Variants in MASP2 observed in about 807,000 individuals in gnomAD.
MASP2 encodes mannan-binding lectin serine protease 2.
MASP2 carries 49 observed loss-of-function variants against 57.1 expected under a neutral mutation model. That is an observed-to-expected ratio of 0.86 (90% CI 0.68 to 1.09). MASP2 has a LOEUF of 1.09. MASP2 is among the 50% of genes least tolerant of loss of function. The pLI is 0.00. For missense variants in MASP2, 900 were observed against 874.8 expected, an observed-to-expected ratio of 1.03 and a Z score of -0.36; for synonymous variants, 379 against 340.8, an observed-to-expected ratio of 1.11 and a Z score of -1.24.
chr1:11,042,396 TTGGA>T (rs141900678), intron 6 of MASP2, among the ~76,000 whole-genome samples: 7,103 of 141,830 alleles, frequency 0.05, 550 homozygotes, highest in African/African-American at 0.17. Context: ...GATAGATGGA[TTGGA>T]TGGATGGATG....
intron 10 of MASP2, among the ~76,000 whole-genome samples, chr1:11,028,740 G>C (rs1165432103): frequency 4.3e-5 from 6 of 140,794 alleles, no homozygotes; most frequent in Non-Finnish European, 9.0e-5. Flanking sequence ...TTGAGACAGA[G>C]TCTCGCTCTG....
chr1:11,044,932 A>C, intron 4 of MASP2: 1 of 1,608,294 alleles, frequency 6.2e-7, no homozygotes, highest in Non-Finnish European at 8.5e-7. Flanking sequence ...CCGGAGCTCC[A>C]GGGGAGGCTA....
At chr1:11,038,333 G>A (rs957068794) in intron 6 of MASP2, among the ~76,000 whole-genome samples, 2 of 152,184 alleles carry the variant, frequency 1.3e-5, no homozygotes, top group African/African-American at 4.8e-5. Flanking sequence ...AAGCACCTAG[G>A]CTAGTTCTTG....
chr1:11,039,151 C>T (rs1638337340), intron 6 of MASP2, among the ~76,000 whole-genome samples: 1 of 152,228 alleles, frequency 6.6e-6, no homozygotes, highest in Admixed American at 6.5e-5. Context: ...TGAGGTCCTC[C>T]TTTGGACTCT....
intron 8 of MASP2, 89 bp downstream of exon 8, chr1:11,034,739 G>A: frequency 1.5e-5 from 12 of 800,482 alleles, no homozygotes; most frequent in South Asian, 8.6e-5. Context: ...AAAGTAAACA[G>A]AAAACCAGAG....
intron 4 of MASP2, chr1:11,045,052 C>A: frequency 9.0e-7 from 1 of 1,113,940 alleles, no homozygotes. Context: ...GCCCACGCCC[C>A]AGAGCACTGG....
At chr1:11,046,068 A>C (rs1638628749) in intron 3 of MASP2, 1 of 222,350 alleles carries the variant, frequency 4.5e-6, no homozygotes, top group Non-Finnish European at 9.0e-6. Context: ...GCTGGAGTGT[A>C]GTGGTGCAAT....
Position 11,030,742 on chromosome 1 carries a change from G to T in MASP2, c.1222+6C>A. 3 of 1,594,282 alleles carry T rather than the reference G, an allele frequency of 1.9e-6. No homozygotes were observed. In the South Asian group the frequency reaches 3.4e-5, roughly 18 times the overall value. On this transcript the variant is annotated splice_donor_region_variant and intron_variant, in intron 9 of 10. Coordinates refer to ENST00000400897, the MANE Select transcript of MASP2 (RefSeq NM_006610.4). ...GCCCACCCCCAACTTTGAAGAATTT[G>T]CATACCATCATTCACTTTCATTGTG...
At chr1:11,034,056 G>T (rs978653384) in intron 8 of MASP2, among the ~76,000 whole-genome samples, 1 of 151,642 alleles carries the variant, frequency 6.6e-6, no homozygotes, top group African/African-American at 2.4e-5. Context: ...TGGCCAACAT[G>T]GTGAAACCCC....
At chr1:11,036,732 T>C (rs902907547) in intron 7 of MASP2, among the ~76,000 whole-genome samples, 4 of 151,524 alleles carry the variant, frequency 2.6e-5, no homozygotes. Flanking sequence ...ATGACAATTT[T>C]GAAGAACATA....
intron 4 of MASP2, 29 bp from the exon 5 acceptor site, chr1:11,043,564 T>A: frequency 6.5e-7 from 1 of 1,529,066 alleles, no homozygotes; most frequent in Non-Finnish European, 8.9e-7. Flanking sequence ...GGGGAGTGAC[T>A]TGGCGTGCCC....
intron 8 of MASP2, 81 bp downstream of exon 8, chr1:11,034,747 G>A: frequency 1.1e-6 from 1 of 873,362 alleles, no homozygotes; most frequent in African/African-American, 1.8e-5. Context: ...CAGAAAACCA[G>A]AGAAGCAATA....
Position 11,037,713 on chromosome 1 carries a change from T to C in MASP2, c.988A>G (p.Thr330Ala). Residue 330 changes from threonine to alanine, a missense_variant, in exon 7 of 11, where the codon ACT (threonine) becomes GCT (alanine). Thr to Ala is a moderately conservative substitution (Grantham distance 58). Transcript: ENST00000400897. ...CTCACTTGCAGAAGCTCATAGCCAG[T>C]CTCGCAAAAGATGGAGAAGCTGTCT... ...LKDSFSIFCE[T>A]GYELLQGHLP... is the part of the protein sequence containing the mutation. The C allele has an allele frequency of 6.2e-7, 1 of 1,611,184 alleles. No individual in the cohort carries two copies.
At chr1:11,035,345 G>GA (rs1196154737) in intron 7 of MASP2, among the ~76,000 whole-genome samples, 2 of 152,068 alleles carry the variant, frequency 1.3e-5, no homozygotes, top group East Asian at 1.9e-4. Context: ...CCAGCATGGT[G>GA]AAACCCTGTC....
intron 6 of MASP2, among the ~76,000 whole-genome samples, chr1:11,042,129 T>C (rs1638473799): frequency 6.9e-6 from 1 of 144,072 alleles, no homozygotes; most frequent in Non-Finnish European, 1.5e-5. Context: ...CTGGAAGGAA[T>C]GGATGGATGC....
chr1:11,027,623 T>C lies in MASP2; in HGVS notation c.1323A>G (p.Thr441=), dbSNP rs1245745864. The C allele has an allele frequency of 6.2e-7, 1 of 1,612,420 alleles. No homozygotes were observed. The highest frequency in any genetic ancestry group is 1.3e-5 in the African/African-American group (1 of 74,896). ...TTTGCCCTCCATATATACGCCCTCC[T>C]GTTGTGCGGGCTGATAGTCCACAAA... ...EPVCGLSART[T]GGRIYGGQKA... Residue 441 remains threonine, a synonymous_variant, in exon 11 of 11, where the codon ACA becomes ACG. Coordinates refer to ENST00000400897, the MANE Select transcript of MASP2 (RefSeq NM_006610.4).
In MASP2 at chr1:11,044,338, C is replaced by T. The variant is rs931516552; in HGVS notation, c.545-803G>A. Among the ~76,000 whole-genome samples, 10 of 152,270 alleles carry T rather than the reference C, an allele frequency of 6.6e-5. No homozygotes were observed. The East Asian group carries it at 1.9e-3, about 29-fold the overall frequency. On this transcript the variant is annotated intron_variant, in intron 4 of 10. Transcript: ENST00000400897. ...CTCAAGGAAGGCTTGGTCCCCATCC[C>T]ATACCACCACCCCACCCCCAGCTGC...
At position 11,042,871 on chromosome 1, in the gene MASP2, T is replaced by C. The variant is rs749453194; in HGVS notation, c.889+4A>G. The C allele has an allele frequency of 4.0e-5, 64 of 1,613,494 alleles. No homozygotes were observed. The highest frequency in any genetic ancestry group is 5.1e-5 in the Non-Finnish European group (60 of 1,179,680). ...CAGCCAAGATCTGAGACCCACTTGCTCACCTGTGCTCGTGTAGTGGATCTT... is the reference window on the plus strand; with the variant it reads ...CAGCCAAGATCTGAGACCCACTTGCCCACCTGTGCTCGTGTAGTGGATCTT... On this transcript the variant is annotated splice_donor_region_variant and intron_variant, in intron 6 of 10. Transcript: ENST00000400897.
chr1:11,038,285 T>C (rs1299473101), intron 6 of MASP2, among the ~76,000 whole-genome samples: 1 of 152,202 alleles, frequency 6.6e-6, no homozygotes, highest in Non-Finnish European at 1.5e-5. Context: ...CGGTTGACGA[T>C]AATAGTTGCC....
Sources: allele counts gnomAD v4.1 joint callset (sites outside exome capture counted in the v4.1 genomes callset), GRCh38; gene constraint gnomAD v4.1.1; transcripts MANE v1.5; gene names NCBI Gene and HGNC (gene_info 2026-07-23, HGNC 2026-07-21).